Variants in PPFIBP2 observed in about 807,000 individuals in gnomAD.
The protein encoded by PPFIBP2 is PPFIB scaffold protein 2.
A neutral mutation model predicts 118.3 loss-of-function variants in PPFIBP2; 118 were observed. That is an observed-to-expected ratio of 1.00 (90% CI 0.86 to 1.16). PPFIBP2 has a LOEUF of 1.16. PPFIBP2 is among the 50% of genes most tolerant of loss of function. The probability of loss-of-function intolerance (pLI) is 0.00; values close to 1 mark genes in which losing one functional copy is unlikely to be tolerated. For synonymous variants in PPFIBP2, 414 were observed against 397.4 expected, an observed-to-expected ratio of 1.04 and a Z score of -0.50; for missense variants, 1,195 against 1,073.1, an observed-to-expected ratio of 1.11 and a Z score of -1.59.
chr11:7,640,425 C>G (rs1190552974), intron 15 of PPFIBP2, among the ~76,000 whole-genome samples: 3 of 152,212 alleles, frequency 2.0e-5, no homozygotes, highest in Non-Finnish European at 4.4e-5. Context: ...AGACCTGAAA[C>G]CACAGAGGCT....
chr11:7,651,169 G>C (rs1853943504), intron 22 of PPFIBP2: 5 of 498,800 alleles, frequency 1.0e-5, no homozygotes, highest in African/African-American at 1.9e-5. Context: ...CCTTCTGGCA[G>C]CACCTCCTTG....
chr11:7,528,289 G>A (rs922795739), intron 1 of PPFIBP2, among the ~76,000 whole-genome samples: 5 of 152,136 alleles, frequency 3.3e-5, no homozygotes, highest in African/African-American at 1.2e-4. Flanking sequence ...ATATATGCAT[G>A]CATACACATA....
At chr11:7,649,702 C>T in intron 21 of PPFIBP2, 48 bp downstream of exon 21, 1 of 1,609,010 alleles carries the variant, frequency 6.2e-7, no homozygotes, top group African/African-American at 1.3e-5. Flanking sequence ...GCCAGGACCC[C>T]TGAAACATCG....
intron 7 of PPFIBP2, among the ~76,000 whole-genome samples, chr11:7,621,296 G>A (rs917417779): frequency 6.6e-6 from 1 of 152,144 alleles, no homozygotes; most frequent in Non-Finnish European, 1.5e-5. Context: ...GCTGAAGCTG[G>A]GCCAAGAAGG....
chr11:7,545,767 G>A (rs1466233840), intron 1 of PPFIBP2, among the ~76,000 whole-genome samples: 1 of 152,120 alleles, frequency 6.6e-6, no homozygotes, highest in Non-Finnish European at 1.5e-5. Flanking sequence ...CATAATAAGC[G>A]CCTTTCAACC....
At chr11:7,645,197 C>T (rs1158595622) in intron 17 of PPFIBP2, among the ~76,000 whole-genome samples, 1 of 151,948 alleles carries the variant, frequency 6.6e-6, no homozygotes, top group African/African-American at 2.4e-5. Context: ...GGAAGTTGAC[C>T]TGGGGATCCA....
At chr11:7,589,295 T>C (rs549795987) in intron 3 of PPFIBP2, among the ~76,000 whole-genome samples, 9 of 152,122 alleles carry the variant, frequency 5.9e-5, no homozygotes, top group Non-Finnish European at 1.3e-4. Context: ...TGGGGAACAA[T>C]AGAAAATTAG....
intron 3 of PPFIBP2, among the ~76,000 whole-genome samples, chr11:7,589,611 C>CAA (rs56678642): frequency 0.013 from 1,832 of 142,236 alleles, 35 homozygotes; most frequent in African/African-American, 0.046. Flanking sequence ...AACCCCCTCC[C>CAA]AAAAAAAAAA....
At chr11:7,597,422 G>T (rs1221785864) in intron 4 of PPFIBP2, 138 bp from the exon 5 acceptor site, 1 of 1,538,716 alleles carries the variant, frequency 6.5e-7, no homozygotes, top group Non-Finnish European at 8.7e-7. Context: ...TCCTCCACCT[G>T]CCACTCAGCA....
chr11:7,634,427 G>A (rs1851182219), intron 12 of PPFIBP2, 68 bp from the exon 13 acceptor site: 7 of 1,250,678 alleles, frequency 5.6e-6, no homozygotes, highest in Non-Finnish European at 8.2e-6. Context: ...CATTTGAAAT[G>A]TCCTCTGCAT....
intron 3 of PPFIBP2, among the ~76,000 whole-genome samples, chr11:7,578,919 T>C (rs1856843241): frequency 6.6e-6 from 1 of 151,770 alleles, no homozygotes; most frequent in Non-Finnish European, 1.5e-5. Context: ...CTGAGCACAG[T>C]GATGGCAGAC....
At chr11:7,530,396 CAT>C (rs1850586040) in intron 1 of PPFIBP2, among the ~76,000 whole-genome samples, 1 of 152,214 alleles carries the variant, frequency 6.6e-6, no homozygotes, top group African/African-American at 2.4e-5. Context: ...CCTAAAAATT[CAT>C]ATGTTGCAAT....
chr11:7,624,552 C>A (rs1240842161), intron 7 of PPFIBP2, among the ~76,000 whole-genome samples: 1 of 152,110 alleles, frequency 6.6e-6, no homozygotes, highest in Non-Finnish European at 1.5e-5. Flanking sequence ...CCTTGAGGAC[C>A]AAAGTGGGAC....
At chr11:7,666,307 T>A in the PPFIBP2 span, 1 of 621,912 alleles carries the variant, frequency 1.6e-6, no homozygotes, top group Non-Finnish European at 2.9e-6. Flanking sequence ...TTTCTCACAT[T>A]TCCCATCTGG....
At chr11:7,579,639 G>A (rs1856964160) in intron 3 of PPFIBP2, among the ~76,000 whole-genome samples, 2 of 152,206 alleles carry the variant, frequency 1.3e-5, no homozygotes, top group East Asian at 3.9e-4. Context: ...TGCTACAGGA[G>A]AAGTTATGTG....
chr11:7,598,295 C>T, intron 5 of PPFIBP2: 4 of 302,572 alleles, frequency 1.3e-5, no homozygotes, highest in East Asian at 1.3e-4. Flanking sequence ...TATATTTTTC[C>T]CATTTAAAAT....
Position 7,625,774 on chromosome 11 carries a change from C to T in PPFIBP2, c.712-3C>T, listed in dbSNP as rs1381559328. The stretch of plus-strand genomic sequence containing the variant: ...TGGTAGGGATCCTCTGTTGCTCTTC[C>T]AGGCTGAAGTCGCCCAGCTGCAAGA... On this transcript the variant is annotated splice_region_variant and splice_polypyrimidine_tract_variant and intron_variant, in intron 7 of 23. Coordinates refer to ENST00000299492, the MANE Select transcript of PPFIBP2 (RefSeq NM_003621.5). 2 of 1,613,900 alleles carry T rather than the reference C, an allele frequency of 1.2e-6. No individual in the cohort carries two copies. The highest frequency in any genetic ancestry group is 1.7e-6 in the Non-Finnish European group (2 of 1,179,776).
chr11:7,527,343 T>A (rs570576048), intron 1 of PPFIBP2, among the ~76,000 whole-genome samples: 1 of 152,072 alleles, frequency 6.6e-6, no homozygotes, highest in African/African-American at 2.4e-5. Flanking sequence ...CTGGCAAGAA[T>A]GGTAGGAAGA....
At chr11:7,620,829 G>A (rs1256288663) in intron 6 of PPFIBP2, 106 bp from the exon 7 acceptor site, 2 of 776,172 alleles carry the variant, frequency 2.6e-6, no homozygotes, top group Admixed American at 1.9e-5. Flanking sequence ...GTTATGTGGA[G>A]CTTGATGTGG....
Sources: gnomAD v4.1 joint callset for allele counts (sites outside exome capture counted in the v4.1 genomes callset) on GRCh38, gnomAD v4.1.1 for gene constraint, MANE v1.5 for transcripts, NCBI Gene and HGNC (gene_info 2026-07-23, HGNC 2026-07-21) for gene names.